PLD5: variants seen among roughly 807,000 people sequenced by gnomAD.
The protein encoded by PLD5 is inactive phospholipase D5.
A neutral mutation model predicts 61.1 loss-of-function variants in PLD5; 36 were observed. The observed-to-expected ratio is 0.59, with a 90% CI of 0.45 to 0.78. The LOEUF is 0.78. Ranked by LOEUF, PLD5 falls within the 30% of genes least tolerant of loss-of-function variation. The pLI, the probability that PLD5 is intolerant of heterozygous loss-of-function variation, is 0.00. For synonymous variants in PLD5, 243 were observed against 242.8 expected, an observed-to-expected ratio of 1.00 and a Z score of -0.01; for missense variants, 515 against 644.4, an observed-to-expected ratio of 0.80 and a Z score of 2.17.
At chr1:242,289,049 T>C (rs1052640021) in intron 2 of PLD5, among the ~76,000 whole-genome samples, 1 of 152,182 alleles carries the variant, frequency 6.6e-6, no homozygotes, top group Admixed American at 6.5e-5. Context: ...TGGTGTAAAG[T>C]GACACTGAGA....
intron 1 of PLD5, among the ~76,000 whole-genome samples, chr1:242,434,438 A>C (rs1225437856): frequency 6.6e-6 from 1 of 152,218 alleles, no homozygotes; most frequent in Non-Finnish European, 1.5e-5. Flanking sequence ...TATGCCTAGC[A>C]GAGTTCCAAC....
At chr1:242,379,070 A>G (rs1483889770) in intron 1 of PLD5, among the ~76,000 whole-genome samples, 1 of 152,134 alleles carries the variant, frequency 6.6e-6, no homozygotes, top group East Asian at 1.9e-4. Flanking sequence ...TTACCATTTT[A>G]GATGGTACTT....
In PLD5 at chr1:242,163,722, CAAAGTAAGGAGAG is replaced by C. The variant is rs1353961006; in HGVS notation, c.736-39070_736-39058del. 3.2e-4 allele frequency among the ~76,000 whole-genome samples: 49 copies of C among 151,330 alleles called. 1 individual carries two copies. On this transcript the variant is annotated intron_variant, in intron 5 of 9. Coordinates refer to ENST00000536534, the MANE Select transcript of PLD5 (RefSeq NM_001372062.1). ...TGACTAGGAATTCTCTACCATTCAG[CAAAGTAAGGAGAG>C]AAAGAAAAAGGTGAAAGGAGATGGA...
At chr1:242,516,213 AGAGT>A (rs1669095855) in intron 1 of PLD5, among the ~76,000 whole-genome samples, 1 of 149,688 alleles carries the variant, frequency 6.7e-6, no homozygotes, top group Non-Finnish European at 1.5e-5. Flanking sequence ...ACTCTTTGTC[AGAGT>A]GTGTGCTAAA....
chr1:242,105,189 A>G (rs1244051201), intron 8 of PLD5, among the ~76,000 whole-genome samples: 1 of 150,896 alleles, frequency 6.6e-6, no homozygotes, highest in African/African-American at 2.4e-5. Context: ...GGCTATAGGG[A>G]CTGGGGAAAT....
intron 5 of PLD5, chr1:242,192,244 G>A (rs1339330666): frequency 6.6e-6 from 1 of 152,334 alleles, no homozygotes; most frequent in African/African-American, 2.4e-5. Context: ...GGCTGCCCAT[G>A]TTTCTGTTTC....
At chr1:242,482,506 G>C (rs1667813567) in intron 1 of PLD5, among the ~76,000 whole-genome samples, 2 of 152,064 alleles carry the variant, frequency 1.3e-5, no homozygotes, top group South Asian at 4.1e-4. Context: ...GAAGTTTAGA[G>C]AAAAAAGAAT....
At chr1:242,268,789 G>A (rs1013714116) in intron 3 of PLD5, among the ~76,000 whole-genome samples, 1 of 152,132 alleles carries the variant, frequency 6.6e-6, no homozygotes, top group African/African-American at 2.4e-5. Context: ...CCTACTCTGT[G>A]CAGAGATCTG....
At chr1:242,497,184 A>G (rs1668398248) in intron 1 of PLD5, among the ~76,000 whole-genome samples, 2 of 152,244 alleles carry the variant, frequency 1.3e-5, no homozygotes, top group African/African-American at 2.4e-5. Context: ...TCTACTGCAT[A>G]AAGATGTCAC....
At chr1:242,222,291 G>A (rs1670645050) in intron 4 of PLD5, among the ~76,000 whole-genome samples, 2 of 152,096 alleles carry the variant, frequency 1.3e-5, no homozygotes, top group African/African-American at 4.8e-5. Flanking sequence ...ATATCTTTCT[G>A]GGGGATGCAA....
chr1:242,090,162 T>C (rs377538404), intron 9 of PLD5, 52 bp from the exon 10 acceptor site: 4 of 1,588,250 alleles, frequency 2.5e-6, no homozygotes, highest in Non-Finnish European at 2.6e-6. Flanking sequence ...ACTGGGAACA[T>C]ACCCAATATA....
Position 242,085,915 on chromosome 1 carries a change from CAGAT to C in PLD5, c.*3935_*3938del, listed in dbSNP as rs948318428. On this transcript the variant is annotated 3_prime_UTR_variant, in exon 10 of 10. Coordinates refer to ENST00000536534, the MANE Select transcript of PLD5 (RefSeq NM_001372062.1). ...TAATTGTAGGATAGAATTCCTGAGA[CAGAT>C]AGACCCTGGATCTGATCTTATCAAG... The C allele has an allele frequency of 9.2e-5, 14 of 151,488 alleles. No homozygotes were observed. Among genetic ancestry groups the C allele is most frequent in the African/African-American group, 3.4e-4 (14 of 41,196 alleles). 9.4% of individuals were successfully genotyped at this position (151,488 alleles called of 1,614,324 possible).
At chr1:242,326,093 T>C (rs529149207) in intron 2 of PLD5, among the ~76,000 whole-genome samples, 74 of 151,580 alleles carry the variant, frequency 4.9e-4, no homozygotes, top group Non-Finnish European at 9.3e-4. Flanking sequence ...TCCAGGCTGG[T>C]CTTGAATTCC....
chr1:242,316,319 C>G (rs1193242904), intron 2 of PLD5, among the ~76,000 whole-genome samples: 1 of 152,162 alleles, frequency 6.6e-6, no homozygotes, highest in African/African-American at 2.4e-5. Context: ...GAAACCTCAA[C>G]AGTGGAGGGG....
chr1:242,179,021 T>G (rs989308927), intron 5 of PLD5, among the ~76,000 whole-genome samples: 1 of 152,194 alleles, frequency 6.6e-6, no homozygotes, highest in Non-Finnish European at 1.5e-5. Flanking sequence ...AAGAGAATAT[T>G]TGAATTGTTA....
chr1:242,511,239 G>C (rs560749125), intron 1 of PLD5, among the ~76,000 whole-genome samples: 2 of 152,152 alleles, frequency 1.3e-5, no homozygotes, highest in Non-Finnish European at 2.9e-5. Context: ...TATCCCAGGG[G>C]TCTACGGATA....
intron 5 of PLD5, among the ~76,000 whole-genome samples, chr1:242,190,138 CTTTTTTTTTTTTTTT>C (rs902616187): frequency 1.3e-5 from 1 of 74,382 alleles, no homozygotes; most frequent in African/African-American, 5.7e-5. Context: ...GACAGGACTC[CTTTTTTTTTTTTTTT>C]TTTTTTTTTT....
At chr1:242,143,620 C>G (rs1385114839) in intron 5 of PLD5, among the ~76,000 whole-genome samples, 1 of 152,014 alleles carries the variant, frequency 6.6e-6, no homozygotes, top group Non-Finnish European at 1.5e-5. Context: ...ATATAAACCC[C>G]GAGGAGGGAA....
intron 9 of PLD5, among the ~76,000 whole-genome samples, chr1:242,090,985 T>A (rs1659778562): frequency 1.3e-5 from 2 of 152,042 alleles, no homozygotes; most frequent in East Asian, 3.9e-4. Flanking sequence ...ACTCCTGGGT[T>A]CAAGCGATCC....
Sources: allele counts gnomAD v4.1 joint callset (sites outside exome capture counted in the v4.1 genomes callset), GRCh38; gene constraint gnomAD v4.1.1; transcripts MANE v1.5; gene names NCBI Gene and HGNC (gene_info 2026-07-23, HGNC 2026-07-21).